NTAQ1: variants seen among roughly 807,000 people sequenced by gnomAD.
NTAQ1 encodes N-terminal glutamine amidase 1, also known as protein N-terminal glutamine amidohydrolase.
Under a neutral mutation model 28.2 loss-of-function variants are expected in NTAQ1, and 21 were observed. The observed-to-expected ratio is 0.74, with a 90% confidence interval of 0.53 to 1.07. NTAQ1 has a LOEUF of 1.07. Ranked by LOEUF, NTAQ1 falls within the 50% of genes least tolerant of loss-of-function variation. The pLI is 0.00. For missense variants in NTAQ1, 264 were observed against 256.6 expected (o/e 1.03, Z -0.20); for synonymous variants, 105 against 90.0 (o/e 1.17, Z -0.94).
intron 6 of NTAQ1, among the ~76,000 whole-genome samples, chr8:123,464,446 G>A (rs118073676): frequency 0.019 from 2,852 of 152,208 alleles, 52 homozygotes; most frequent in Non-Finnish European, 0.026. Flanking sequence ...CTGAATACAC[G>A]AGAGGTCAGA....
chr8:123,440,874 G>A (rs1003402929), intron 5 of NTAQ1, among the ~76,000 whole-genome samples: 15 of 152,104 alleles, frequency 9.9e-5, no homozygotes, highest in African/African-American at 3.4e-4. Flanking sequence ...GCTACTGAAC[G>A]CTGCATGTTA....
intron 1 of NTAQ1, 109 bp downstream of exon 1, chr8:123,417,041 C>A (rs1813341232): frequency 2.7e-6 from 3 of 1,126,532 alleles, no homozygotes; most frequent in African/African-American, 1.6e-5. Flanking sequence ...CCGGCCTCTA[C>A]CGGCGGGTTC....
chr8:123,442,804 G>C (rs1262871514), downstream of NTAQ1, among the ~76,000 whole-genome samples: 1 of 150,584 alleles, frequency 6.6e-6, no homozygotes, highest in Non-Finnish European at 1.5e-5. Context: ...GAGTAGCTGG[G>C]ATTACAGGTG....
rs994463404 is a variant in NTAQ1 at position 123,442,089 on chromosome 8, A to G, written c.*674A>G. On this transcript the variant is annotated 3_prime_UTR_variant, in exon 6 of 6. Coordinates refer to ENST00000287387, the MANE Select transcript of NTAQ1 (RefSeq NM_018024.3). ...ATACCTAAATATGCCTCAATTGTAG[A>G]TGAGAACCAGGGCTTTAAAAAATAT... 1.3e-4 allele frequency: 20 copies of G among 152,496 alleles called. No homozygotes were observed. Among genetic ancestry groups the G allele is most frequent in the African/African-American group, 4.6e-4 (19 of 41,444 alleles). The allele number at this position is 152,496 out of a possible 1,614,324, so 9.4% of individuals were successfully genotyped here.
Position 123,464,936 on chromosome 8 carries a change from G to A in NTAQ1, c.373-2143G>A, listed in dbSNP as rs180933199. 4.7e-3 allele frequency among the ~76,000 whole-genome samples: 716 copies of A among 152,252 alleles called. 5 individuals carry two copies. The highest frequency in any genetic ancestry group is 7.2e-3 in the Non-Finnish European group (488 of 68,022). On this transcript the variant is annotated intron_variant, in intron 6 of 6. Transcript: ENST00000650311. ...GCCTGTAATCCTAGCTACTTGGAAG[G>A]CTGAGGCACGAGAATCACTTGAACC... is the stretch of plus-strand genomic sequence containing the variant.
intron 1 of NTAQ1, among the ~76,000 whole-genome samples, chr8:123,418,077 A>G (rs1813416993): frequency 6.6e-6 from 1 of 152,228 alleles, no homozygotes; most frequent in Admixed American, 6.5e-5. Context: ...TATGTGGCAT[A>G]CTTCTGGGCA....
chr8:123,419,081 G>GT (rs762479894), intron 1 of NTAQ1, among the ~76,000 whole-genome samples: 7 of 119,916 alleles, frequency 5.8e-5, no homozygotes, highest in South Asian at 2.5e-4. Context: ...AGCTTTGGGG[G>GT]TTTTTTTTTT....
intron 3 of NTAQ1, among the ~76,000 whole-genome samples, chr8:123,435,168 G>C (rs1258222132): frequency 6.6e-6 from 1 of 152,114 alleles, no homozygotes; most frequent in Non-Finnish European, 1.5e-5. Flanking sequence ...GAAGAACTCA[G>C]AGCACCACAT....
downstream of NTAQ1, among the ~76,000 whole-genome samples, chr8:123,449,758 G>A (rs1391405153): frequency 6.6e-6 from 1 of 150,440 alleles, no homozygotes; most frequent in East Asian, 2.0e-4. Context: ...CTGTCAAATA[G>A]GAGTTGGTAG....
At chr8:123,449,008 A>T (rs575767532), downstream of NTAQ1, among the ~76,000 whole-genome samples, 22 of 152,242 alleles carry the variant, frequency 1.4e-4, no homozygotes, top group Non-Finnish European at 2.9e-4. Flanking sequence ...GCCATGAGAG[A>T]TGTGCCACGG....
intron 6 of NTAQ1, among the ~76,000 whole-genome samples, chr8:123,464,161 T>C (rs1232857889): frequency 1.3e-5 from 2 of 152,162 alleles, no homozygotes; most frequent in African/African-American, 4.8e-5. Flanking sequence ...TTATTAGCAG[T>C]GTGAGAACAG....
At chr8:123,449,929 A>ATGTGTGTGTGTG (rs368162793), downstream of NTAQ1, among the ~76,000 whole-genome samples, 2,233 of 66,446 alleles carry the variant, frequency 0.034, 324 homozygotes, top group Admixed American at 0.17. Flanking sequence ...GTATATATAT[A>ATGTGTGTGTGTG]TGTGTGTGTG....
chr8:123,431,898 A>G (rs1814420135), intron 3 of NTAQ1, among the ~76,000 whole-genome samples: 1 of 152,156 alleles, frequency 6.6e-6, no homozygotes, highest in South Asian at 2.1e-4. Context: ...TGCACGAGAA[A>G]TCATCCCTGT....
chr8:123,424,971 G>A (rs1037620175), intron 1 of NTAQ1, among the ~76,000 whole-genome samples: 3 of 152,068 alleles, frequency 2.0e-5, no homozygotes, highest in Non-Finnish European at 2.9e-5. Context: ...GTAAACTCCC[G>A]AAAAACTTGT....
At chr8:123,460,054 C>T (rs1322588882) in intron 6 of NTAQ1, among the ~76,000 whole-genome samples, 4 of 152,078 alleles carry the variant, frequency 2.6e-5, no homozygotes, top group Non-Finnish European at 5.9e-5. Flanking sequence ...CCTGCCTCGG[C>T]CCCCCAAAGG....
chr8:123,474,449 C>T (rs1463428537), downstream of NTAQ1, among the ~76,000 whole-genome samples: 3 of 152,098 alleles, frequency 2.0e-5, no homozygotes, highest in Non-Finnish European at 4.4e-5. Flanking sequence ...ATGTTGTGTC[C>T]TTTCTCATAC....
downstream of NTAQ1, among the ~76,000 whole-genome samples, chr8:123,449,598 A>G (rs1480398498): frequency 2.6e-5 from 4 of 152,088 alleles, no homozygotes; most frequent in Admixed American, 6.6e-5. Context: ...TGTGGAGAAG[A>G]CAGACAATGA....
rs141148639 is a variant in NTAQ1, at chr8:123,463,362, T to C, written c.373-3717T>C. Among the ~76,000 whole-genome samples, 585 of 152,370 alleles carry C rather than the reference T, an allele frequency of 3.8e-3. 5 individuals are homozygous for C. The highest frequency in any genetic ancestry group is 0.013 in the African/African-American group (548 of 41,588). ...TTTGGTTTCAATCCAAAATAAATTT[T>C]GTGTTCTCTTAATATTAGATCACAG... On this transcript the variant is annotated intron_variant, in intron 6 of 6. Coordinates refer to the NTAQ1 transcript ENST00000650311.
In NTAQ1 at chr8:123,421,512, C is replaced by CT. The variant is rs71310677; in HGVS notation, c.83+4594dup. Among the ~76,000 whole-genome samples, 358 of 133,872 alleles carry CT rather than the reference C, an allele frequency of 2.7e-3. 6 individuals are homozygous for CT. The highest frequency in any genetic ancestry group is 7.4e-3 in the African/African-American group (268 of 36,186). The allele number at this position is 133,872 out of a possible 152,430, so 87.8% of individuals were successfully genotyped here. A position where few individuals can be genotyped will look rare whatever the true frequency, so the allele number is the denominator to read the frequency against. On this transcript the variant is annotated intron_variant, in intron 1 of 5. Transcript: ENST00000287387. ...TTGGCCATGTGCATGTCTCTTTTTCCTTTTTTTTTTTTTTGAGATGGAGTC... is the reference window on the plus strand; with the variant it reads ...TTGGCCATGTGCATGTCTCTTTTTCCTTTTTTTTTTTTTTTGAGATGGAGTC...
Sources: gnomAD v4.1 joint callset for allele counts (sites outside exome capture counted in the v4.1 genomes callset) on GRCh38, gnomAD v4.1.1 for gene constraint, MANE v1.5 for transcripts, NCBI Gene and HGNC (gene_info 2026-07-23, HGNC 2026-07-21) for gene names.